The following ZMIZ1 variants were observed in gnomAD, a reference collection of about 807,000 sequenced individuals.
The protein encoded by ZMIZ1 is zinc finger MIZ-type containing 1.
ZMIZ1 carries 17 observed loss-of-function variants against 113.9 expected under a neutral mutation model. The observed-to-expected ratio is 0.15, with a 90% CI of 0.10 to 0.22. The LOEUF (loss-of-function observed/expected upper bound fraction) is 0.22, where lower values mean the gene tolerates loss of function less well. Ranked by LOEUF, ZMIZ1 falls within the 10% of genes least tolerant of loss-of-function variation. The probability of loss-of-function intolerance (pLI) is 1.00; values close to 1 mark genes in which losing one functional copy is unlikely to be tolerated. For synonymous variants in ZMIZ1, 607 were observed against 603.1 expected, an observed-to-expected ratio of 1.01 and a Z score of -0.09; for missense variants, 1,059 against 1,477.8, an observed-to-expected ratio of 0.72 and a Z score of 4.65.
chr10:79,216,426 C>T, intron 7 of ZMIZ1, 152 bp downstream of exon 7: 1 of 594,788 alleles, frequency 1.7e-6, no homozygotes, highest in Non-Finnish European at 2.8e-6. Flanking sequence ...ATCCACCAGG[C>T]TCTGGGACCC....
intron 1 of ZMIZ1, among the ~76,000 whole-genome samples, chr10:79,096,291 A>T (rs573929640): frequency 8.8e-4 from 134 of 152,324 alleles, no homozygotes; most frequent in African/African-American, 3.0e-3. Context: ...CAGGCGGATC[A>T]CAAGGTCAGG....
At chr10:79,108,081 C>T (rs1843620032) in intron 1 of ZMIZ1, among the ~76,000 whole-genome samples, 1 of 152,204 alleles carries the variant, frequency 6.6e-6, no homozygotes, top group African/African-American at 2.4e-5. Flanking sequence ...ACATCCCAGC[C>T]CACCCGGAGA....
chr10:79,304,223 G>T, intron 19 of ZMIZ1, 48 bp downstream of exon 19: 3 of 1,586,698 alleles, frequency 1.9e-6, no homozygotes, highest in Non-Finnish European at 2.6e-6. Context: ...CTAGACTCTG[G>T]CTGGGATGGT....
intron 17 of ZMIZ1, 143 bp downstream of exon 17, chr10:79,301,085 C>A: frequency 8.0e-7 from 1 of 1,245,056 alleles, no homozygotes; most frequent in Non-Finnish European, 1.1e-6. Flanking sequence ...AAAGATACAG[C>A]GTCCCCTTAC....
chr10:79,107,679 C>T (rs375485437), intron 1 of ZMIZ1, among the ~76,000 whole-genome samples: 4 of 152,174 alleles, frequency 2.6e-5, no homozygotes, highest in Admixed American at 2.0e-4. Context: ...CGTTGATGGA[C>T]GCTACTTGGA....
At chr10:79,248,951 C>G (rs1004726715) in intron 7 of ZMIZ1, among the ~76,000 whole-genome samples, 3 of 152,166 alleles carry the variant, frequency 2.0e-5, no homozygotes. Context: ...GGGTCAGAGC[C>G]TGAGGCACTA....
intron 1 of ZMIZ1, among the ~76,000 whole-genome samples, chr10:79,094,325 T>C (rs1338329253): frequency 1.3e-5 from 2 of 151,114 alleles, no homozygotes; most frequent in Admixed American, 6.6e-5. Flanking sequence ...CGGCCTCTGC[T>C]CTCCCTGCAA....
chr10:79,179,956 G>A lies in ZMIZ1; in HGVS notation c.-50+17823G>A, dbSNP rs141707291. Among the ~76,000 whole-genome samples the A allele has an allele frequency of 1.4e-4, 21 of 152,336 alleles. No individual in the cohort carries two copies. The East Asian group carries it at 3.7e-3, about 27-fold the overall frequency. ...AGGCCAGTGTCAGATCAGCATCCTG[G>A]GGCCAACGGGGCAGGCTGGGCCTGT... On this transcript the variant is annotated intron_variant, in intron 4 of 24. Coordinates refer to ENST00000334512, the MANE Select transcript of ZMIZ1 (RefSeq NM_020338.4).
chr10:79,122,787 G>A (rs575379447), intron 2 of ZMIZ1, among the ~76,000 whole-genome samples: 1 of 152,314 alleles, frequency 6.6e-6, no homozygotes, highest in East Asian at 1.9e-4. Flanking sequence ...CCTGGGCTGA[G>A]GTCAGACCCA....
At chr10:79,252,104 C>T (rs1460595984) in intron 7 of ZMIZ1, among the ~76,000 whole-genome samples, 1 of 152,152 alleles carries the variant, frequency 6.6e-6, no homozygotes, top group Non-Finnish European at 1.5e-5. Flanking sequence ...TTCCACCCTC[C>T]CTGAACCCTG....
intron 1 of ZMIZ1, among the ~76,000 whole-genome samples, chr10:79,109,196 T>C (rs968667922): frequency 6.6e-6 from 1 of 152,208 alleles, no homozygotes; most frequent in African/African-American, 2.4e-5. Flanking sequence ...TTCGCTGTCC[T>C]GTGTGTGTCC....
intron 1 of ZMIZ1, among the ~76,000 whole-genome samples, chr10:79,098,297 A>G (rs1298805259): frequency 6.6e-6 from 1 of 152,134 alleles, no homozygotes; most frequent in African/African-American, 2.4e-5. Flanking sequence ...GCGGCATTGG[A>G]GAGAAGGCAG....
intron 5 of ZMIZ1, among the ~76,000 whole-genome samples, chr10:79,202,197 A>T (rs1439803616): frequency 7.2e-6 from 1 of 139,828 alleles, no homozygotes; most frequent in Non-Finnish European, 1.6e-5. Context: ...CAGAAAAAAA[A>T]AAAAAAAAAA....
chr10:79,272,146 C>T (rs576360190), intron 7 of ZMIZ1, among the ~76,000 whole-genome samples: 110 of 152,076 alleles, frequency 7.2e-4, no homozygotes, highest in African/African-American at 2.6e-3. Context: ...ATTAGCCAGG[C>T]GTGATGGTGC....
intron 7 of ZMIZ1, among the ~76,000 whole-genome samples, chr10:79,237,006 A>G (rs918845097): frequency 8.5e-5 from 13 of 152,262 alleles, no homozygotes; most frequent in Admixed American, 8.5e-4. Flanking sequence ...CAGGCATGTC[A>G]GAGGGGGCTG....
intron 10 of ZMIZ1, among the ~76,000 whole-genome samples, chr10:79,291,556 G>GT (rs1853497823): frequency 6.6e-6 from 1 of 152,262 alleles, no homozygotes; most frequent in South Asian, 2.1e-4. Context: ...CAGTGAAGCA[G>GT]TCTGGGAATA....
Position 79,309,459 on chromosome 10 carries a change from C to T in ZMIZ1, c.2836-1465C>T, listed in dbSNP as rs561320074. On this transcript the variant is annotated intron_variant, in intron 23 of 24. Coordinates refer to ENST00000334512, the MANE Select transcript of ZMIZ1 (RefSeq NM_020338.4). ...CACTGACCATGGGTGGTGGCCCATT[C>T]CTCCAGCCTCTTGTATGTGTCTCAT... is the stretch of plus-strand genomic sequence containing the variant. Among the ~76,000 whole-genome samples the T allele has an allele frequency of 2.6e-5, 4 of 152,320 alleles. No homozygotes were observed. In the East Asian group the frequency reaches 7.7e-4, roughly 29 times the overall value.
At chr10:79,311,320 C>T (rs918211725) in intron 24 of ZMIZ1, 136 bp downstream of exon 24, 11 of 1,078,236 alleles carry the variant, frequency 1.0e-5, no homozygotes, top group African/African-American at 3.3e-5. Flanking sequence ...TTCACCCAGA[C>T]CTGGCTCCAG....
intron 6 of ZMIZ1, among the ~76,000 whole-genome samples, chr10:79,213,848 G>GATA (rs1848618090): frequency 6.6e-6 from 1 of 152,258 alleles, no homozygotes; most frequent in Non-Finnish European, 1.5e-5. Flanking sequence ...GTAAATCAGA[G>GATA]ATAATAATAA....
Sources: allele counts gnomAD v4.1 joint callset (sites outside exome capture counted in the v4.1 genomes callset), GRCh38; gene constraint gnomAD v4.1.1; transcripts MANE v1.5; gene names NCBI Gene and HGNC (gene_info 2026-07-23, HGNC 2026-07-21).